The following WNK1 variants were observed in gnomAD, a reference collection of about 807,000 sequenced individuals.
The protein encoded by WNK1 is serine/threonine-protein kinase WNK1.
Under a neutral mutation model 222.8 loss-of-function variants are expected in WNK1, and 38 were observed. The observed-to-expected ratio is 0.17, with a 90% confidence interval of 0.13 to 0.22. The LOEUF is 0.22. Among genes scored for constraint, WNK1 ranks in the 10% least tolerant of loss-of-function variants. WNK1 has a pLI of 1.00. For synonymous variants in WNK1, 1,090 were observed against 1,092.9 expected, an observed-to-expected ratio of 1.00 and a Z score of 0.05; for missense variants, 2,348 against 2,918.4, an observed-to-expected ratio of 0.80 and a Z score of 4.50.
intron 25 of WNK1, among the ~76,000 whole-genome samples, chr12:898,732 C>G (rs780032697): frequency 1.3e-5 from 2 of 149,790 alleles, no homozygotes; most frequent in Non-Finnish European, 3.0e-5. Context: ...CACTACCATG[C>G]CCTGCTAACT....
chr12:864,875 A>G (rs1427819489), intron 8 of WNK1, among the ~76,000 whole-genome samples: 1 of 152,034 alleles, frequency 6.6e-6, no homozygotes, highest in Non-Finnish European at 1.5e-5. Flanking sequence ...GATCATTATC[A>G]TGATCATTCA....
At chr12:890,734 A>G (rs559050531) in intron 22 of WNK1, among the ~76,000 whole-genome samples, 1 of 152,360 alleles carries the variant, frequency 6.6e-6, no homozygotes, top group East Asian at 1.9e-4. Context: ...ACCCTTCATT[A>G]TTAGCTATGC....
chr12:839,259 G>C (rs1160104687), intron 4 of WNK1, among the ~76,000 whole-genome samples: 1 of 152,154 alleles, frequency 6.6e-6, no homozygotes, highest in African/African-American at 2.4e-5. Context: ...AGGGACAAAA[G>C]GAAAGCTTAG....
chr12:801,069 A>G (rs1454188621), intron 1 of WNK1, among the ~76,000 whole-genome samples: 5 of 152,144 alleles, frequency 3.3e-5, no homozygotes, highest in Non-Finnish European at 2.9e-5. Context: ...GAATTTCGCC[A>G]TTTGTATCTG....
chr12:809,422 G>A (rs780189903), intron 1 of WNK1, among the ~76,000 whole-genome samples: 1 of 151,760 alleles, frequency 6.6e-6, no homozygotes, highest in Non-Finnish European at 1.5e-5. Flanking sequence ...TTATGCGATA[G>A]ACCCCAAATT....
chr12:808,710 A>G (rs1436089724), intron 1 of WNK1, among the ~76,000 whole-genome samples: 1 of 151,686 alleles, frequency 6.6e-6, no homozygotes, highest in East Asian at 1.9e-4. Context: ...TGCCTAATGA[A>G]TAGAACCTAT....
rs1458257076 is a variant in WNK1 at position 779,651 on chromosome 12, C to G, written c.759+25327C>G. The stretch of plus-strand genomic sequence containing the variant: ...TCTTGACCTCAAGTGATCCACCTGC[C>G]TCACCCTCCCAAAGTGCTGGGATTA... On this transcript the variant is annotated intron_variant, in intron 1 of 27. Transcript: ENST00000315939. Among the ~76,000 whole-genome samples, 4 of 152,124 alleles carry G rather than the reference C, an allele frequency of 2.6e-5. No individual in the cohort carries two copies. The East Asian group carries it at 7.7e-4, about 29-fold the overall frequency.
chr12:861,198 A>C lies in WNK1; in HGVS notation c.1806A>C (p.Gly602=). 1 of 1,613,982 alleles carries C rather than the reference A, an allele frequency of 6.2e-7. No homozygotes were observed. Among genetic ancestry groups the C allele is most frequent in the African/African-American group, 1.3e-5 (1 of 74,972 alleles). The change falls in exon 7 of 28, where the codon GGA becomes GGC. Residue 602 remains glycine, a synonymous_variant. Transcript: ENST00000315939. ...QVEQSSASQT[G]IKQLPSASTG... ...AACAATCCAGTGCTTCCCAGACAGG[A>C]ATCAAGCAGCTCCCTTCTGCTAGCA...
intron 4 of WNK1, among the ~76,000 whole-genome samples, chr12:850,713 T>G (rs1226727891): frequency 2.0e-5 from 3 of 152,272 alleles, no homozygotes; most frequent in South Asian, 4.1e-4. Flanking sequence ...GTCTAACATT[T>G]AAGTCTTTAA....
intron 11 of WNK1, 87 bp from the exon 12 acceptor site, chr12:880,634 C>CTTT (rs11334619): frequency 1.0e-4 from 121 of 1,198,738 alleles, no homozygotes; most frequent in Non-Finnish European, 1.3e-4. Flanking sequence ...CTGTGTGCTT[C>CTTT]TTTTTTTTTT....
At chr12:900,706 A>C in intron 26 of WNK1, 36 bp downstream of exon 26, 1 of 1,612,110 alleles carries the variant, frequency 6.2e-7, no homozygotes, top group Non-Finnish European at 8.5e-7. Context: ...AAAACAATAA[A>C]ATGGAGATGT....
chr12:808,761 CTTT>C (rs11322620), intron 1 of WNK1, among the ~76,000 whole-genome samples: 23 of 119,352 alleles, frequency 1.9e-4, no homozygotes, highest in East Asian at 2.7e-4. Flanking sequence ...GTATCTCTCT[CTTT>C]TTTTTTTTTT....
At chr12:849,426 T>A (rs147687764) in intron 4 of WNK1, among the ~76,000 whole-genome samples, 5 of 152,300 alleles carry the variant, frequency 3.3e-5, no homozygotes, top group African/African-American at 9.6e-5. Context: ...AGAAAAACTT[T>A]CCCTTAATCA....
chr12:898,355 C>T (rs1013961593), intron 25 of WNK1, among the ~76,000 whole-genome samples: 4 of 151,690 alleles, frequency 2.6e-5, no homozygotes, highest in Admixed American at 6.6e-5. Context: ...TGGTGGCAGG[C>T]GCCTATAGTC....
At chr12:887,460 TTAAG>T (rs1206428274) in intron 20 of WNK1, among the ~76,000 whole-genome samples, 156 bp downstream of exon 20, 2 of 152,250 alleles carry the variant, frequency 1.3e-5, no homozygotes, top group African/African-American at 4.8e-5. Context: ...CAGTTCCTAC[TTAAG>T]TAAGAAGCTT....
At chr12:895,758 C>T (rs1301561929) in intron 23 of WNK1, among the ~76,000 whole-genome samples, 2 of 152,196 alleles carry the variant, frequency 1.3e-5, no homozygotes, top group African/African-American at 2.4e-5. Context: ...TATGCCTGGC[C>T]CTGACCTTTT....
Position 827,006 on chromosome 12 carries a change from A to C in WNK1, c.933-36A>C. The C allele has an allele frequency of 6.4e-7, 1 of 1,554,264 alleles. No homozygotes were observed. The highest frequency in any genetic ancestry group is 1.1e-5 in the South Asian group (1 of 89,546). ...TTCTTCAAAGCAACAAACTCCTATC[A>C]TTGATAACTTGTTTGGTATACTTTG... On this transcript the variant is annotated intron_variant, in intron 2 of 27. Transcript: ENST00000315939. This position sits in a 1 kb window ranked among gnomAD's most constrained non-coding sequence, Gnocchi z 4.6.
intron 3 of WNK1, among the ~76,000 whole-genome samples, chr12:829,025 A>G (rs1338143368): frequency 6.6e-6 from 1 of 152,228 alleles, no homozygotes; most frequent in Non-Finnish European, 1.5e-5. Flanking sequence ...GAAAAGTGTC[A>G]TTTAAAGCTG....
intron 1 of WNK1, among the ~76,000 whole-genome samples, chr12:806,418 G>T (rs1421577972): frequency 2.0e-5 from 3 of 152,218 alleles, no homozygotes; most frequent in Non-Finnish European, 4.4e-5. Context: ...CTTCCTTGGA[G>T]ACTGGGGCCA....
Sources: allele counts gnomAD v4.1 joint callset (sites outside exome capture counted in the v4.1 genomes callset), GRCh38; gene constraint gnomAD v4.1.1; non-coding constraint Gnocchi (gnomAD v3.1); transcripts MANE v1.5; gene names NCBI Gene and HGNC (gene_info 2026-07-23, HGNC 2026-07-21).